CYP3A43: variants seen among roughly 807,000 people sequenced by gnomAD.
CYP3A43 encodes the protein cytochrome P450 family 3 subfamily A member 43.
In CYP3A43, 45 loss-of-function variants were observed where a neutral mutation model predicts 58.0. The observed-to-expected ratio is 0.78, with a 90% CI of 0.61 to 0.99. CYP3A43 has a LOEUF of 0.99. CYP3A43 is among the 50% of genes least tolerant of loss of function. CYP3A43 has a pLI of 0.00. For synonymous variants in CYP3A43, 191 were observed against 201.4 expected (o/e 0.95, Z 0.44); for missense variants, 593 against 591.9 (o/e 1.00, Z -0.02).
At position 99,865,562 on chromosome 7, in the gene CYP3A43, A is replaced by G. The variant is rs111493447; in HGVS notation, c.1417-344A>G. Among the ~76,000 whole-genome samples the G allele has an allele frequency of 3.6e-3, 536 of 148,858 alleles. 88 individuals carry two copies. Among genetic ancestry groups the G allele is most frequent in the African/African-American group, 0.013 (514 of 38,314 alleles). On this transcript the variant is annotated intron_variant, in intron 12 of 12. Coordinates refer to ENST00000354829, the MANE Select transcript of CYP3A43 (RefSeq NM_057095.3). The stretch of plus-strand genomic sequence containing the variant: ...ATTAACTTTATATGGCTTTTCCAAA[A>G]TAGTTTAACATAATGCCTAATAATC...
rs71515286 is a variant in CYP3A43 at position 99,849,955 on chromosome 7, A to ATTT, written c.670+280_670+282dup. ...TCATCCCCTTCCAATCTTCCTCACC[A>ATTT]TTTTTTTTTTTTTTTTTTTTTAGAC... On this transcript the variant is annotated intron_variant, in intron 7 of 12. Coordinates refer to ENST00000354829, the MANE Select transcript of CYP3A43 (RefSeq NM_057095.3). 562 of 362,848 alleles carry ATTT rather than the reference A, an allele frequency of 1.5e-3. 1 individual carries two copies. The highest frequency in any genetic ancestry group is 2.3e-3 in the South Asian group (122 of 52,820). The allele number at this position is 362,848 out of a possible 1,614,324, so 22.5% of individuals were successfully genotyped here.
chr7:99,843,642 T>C (rs1284518403), intron 3 of CYP3A43, among the ~76,000 whole-genome samples: 1 of 151,930 alleles, frequency 6.6e-6, no homozygotes. Flanking sequence ...ATTTTTGTAT[T>C]TTTAGTAGAG....
intron 12 of CYP3A43, among the ~76,000 whole-genome samples, chr7:99,865,144 T>C (rs1248270827): frequency 6.7e-6 from 1 of 148,358 alleles, no homozygotes; most frequent in East Asian, 1.9e-4. Flanking sequence ...ACACATGGGA[T>C]GGGGTGATAC....
intron 1 of CYP3A43, among the ~76,000 whole-genome samples, chr7:99,828,669 A>T (rs1316523996): frequency 6.6e-6 from 1 of 152,142 alleles, no homozygotes; most frequent in Non-Finnish European, 1.5e-5. Flanking sequence ...TCAAAAAAAA[A>T]AATAAAACTT....
At chr7:99,859,364 T>C (rs1189288474) in intron 9 of CYP3A43, among the ~76,000 whole-genome samples, 2 of 152,232 alleles carry the variant, frequency 1.3e-5, no homozygotes, top group Non-Finnish European at 2.9e-5. Flanking sequence ...TTCCTTTATA[T>C]TTCCCTAAAA....
At chr7:99,863,007 C>G (rs1340339309) in intron 11 of CYP3A43, among the ~76,000 whole-genome samples, 1 of 152,166 alleles carries the variant, frequency 6.6e-6, no homozygotes, top group African/African-American at 2.4e-5. Flanking sequence ...CTGGGCCAGG[C>G]AGTGAGAAAT....
chr7:99,845,919 G>A (rs531354396), intron 4 of CYP3A43, among the ~76,000 whole-genome samples: 1 of 151,938 alleles, frequency 6.6e-6, no homozygotes, highest in African/African-American at 2.4e-5. Context: ...GGGATTACAG[G>A]CATGCGGCAC....
chr7:99,828,190 A>C lies in CYP3A43; in HGVS notation c.71+4A>C. The C allele has an allele frequency of 6.2e-7, 1 of 1,601,708 alleles. No homozygotes were observed. The highest frequency in any genetic ancestry group is 1.3e-5 in the African/African-American group (1 of 74,802). ...CCAGCCTGGTACTCCTCTATATGTG[A>C]GTAACTATGCAGGCATGTTTGCTCT... is the stretch of plus-strand genomic sequence containing the variant. On this transcript the variant is annotated splice_donor_region_variant and intron_variant, in intron 1 of 12. Coordinates refer to ENST00000354829, the MANE Select transcript of CYP3A43 (RefSeq NM_057095.3).
intron 1 of CYP3A43, among the ~76,000 whole-genome samples, chr7:99,833,303 AC>A (rs774965100): frequency 2.6e-5 from 4 of 151,850 alleles, no homozygotes; most frequent in East Asian, 3.8e-4. Context: ...GAGTTTAGTT[AC>A]CTTTTAAGCA....
At chr7:99,845,207 G>A (rs1370921727) in intron 4 of CYP3A43, among the ~76,000 whole-genome samples, 1 of 152,152 alleles carries the variant, frequency 6.6e-6, no homozygotes, top group Non-Finnish European at 1.5e-5. Flanking sequence ...CTGTGGCTGT[G>A]TGATTTTTCC....
intron 9 of CYP3A43, 132 bp from the exon 10 acceptor site, chr7:99,859,698 G>T (rs45595440): frequency 1.1e-5 from 13 of 1,141,460 alleles, no homozygotes; most frequent in African/African-American, 1.1e-4. Flanking sequence ...GAAGCCACCC[G>T]CAGTGTGACT....
intron 4 of CYP3A43, among the ~76,000 whole-genome samples, chr7:99,844,641 G>T (rs1003106878): frequency 6.6e-6 from 1 of 152,140 alleles, no homozygotes; most frequent in African/African-American, 2.4e-5. Context: ...TCCTTGCAGG[G>T]TCTATAGTAG....
At chr7:99,849,955 ATT>A (rs71515286) in intron 7 of CYP3A43, 13,418 of 348,020 alleles carry the variant, frequency 0.039, no homozygotes, top group East Asian at 0.058. Flanking sequence ...CTTCCTCACC[ATT>A]TTTTTTTTTT....
At position 99,833,670 on chromosome 7, in the gene CYP3A43, T is replaced by C. The variant is rs112931944; in HGVS notation, c.72-2783T>C. Among the ~76,000 whole-genome samples, 203 of 152,334 alleles carry C rather than the reference T, an allele frequency of 1.3e-3. 1 individual carries two copies. Among genetic ancestry groups the C allele is most frequent in the African/African-American group, 4.5e-3 (186 of 41,578 alleles). On this transcript the variant is annotated intron_variant, in intron 1 of 12. Coordinates refer to ENST00000354829, the MANE Select transcript of CYP3A43 (RefSeq NM_057095.3). The stretch of plus-strand genomic sequence containing the variant: ...ATTTCTTTTAATTCCTGTTCCATTG[T>C]CCCCTTTGGTGCTTTTTACAACAGA...
Position 99,856,601 on chromosome 7 carries a change from A to G in CYP3A43, c.799-232A>G, listed in dbSNP as rs904498069. Among the ~76,000 whole-genome samples the G allele has an allele frequency of 1.1e-4, 16 of 152,232 alleles. 1 individual carries two copies. Among genetic ancestry groups the G allele is most frequent in the African/African-American group, 3.9e-4 (16 of 41,460 alleles). On this transcript the variant is annotated intron_variant, in intron 8 of 12. Transcript: ENST00000354829. ...AAGCTGAGGATCAGGGAGAGCAAAG[A>G]CTAAAAAGCAGATAGACATGACAAA...
At chr7:99,844,979 A>G (rs641761) in intron 4 of CYP3A43, among the ~76,000 whole-genome samples, 29,368 of 151,512 alleles carry the variant, frequency 0.19, 5,755 homozygotes, top group African/African-American at 0.51. Context: ...TGAGGCAGCA[A>G]AATCGCTTGA....
intron 5 of CYP3A43, 178 bp from the exon 6 acceptor site, chr7:99,847,988 G>A (rs1404364104): frequency 2.6e-5 from 17 of 649,032 alleles, no homozygotes; most frequent in Non-Finnish European, 4.5e-5. Context: ...TCCAGCCTGG[G>A]CAACAAGAGC....
intron 1 of CYP3A43, among the ~76,000 whole-genome samples, chr7:99,834,453 C>T (rs1816982002): frequency 6.6e-6 from 1 of 152,064 alleles, no homozygotes; most frequent in Non-Finnish European, 1.5e-5. Context: ...TAAGAGTTCC[C>T]CTGGCTTTAG....
At chr7:99,865,094 C>A (rs1361347611) in intron 12 of CYP3A43, among the ~76,000 whole-genome samples, 1 of 148,426 alleles carries the variant, frequency 6.7e-6, no homozygotes, top group Non-Finnish European at 1.5e-5. Flanking sequence ...TAAGTGTGTA[C>A]AGACAGGGGC....
Sources: gnomAD v4.1 joint callset for allele counts (sites outside exome capture counted in the v4.1 genomes callset) on GRCh38, gnomAD v4.1.1 for gene constraint, MANE v1.5 for transcripts, NCBI Gene and HGNC (gene_info 2026-07-23, HGNC 2026-07-21) for gene names.